ADCY7: variants seen among roughly 807,000 people sequenced by gnomAD.
ADCY7 encodes adenylate cyclase 7.
ADCY7 carries 72 observed loss-of-function variants against 120.6 expected under a neutral mutation model. The observed-to-expected ratio is 0.60, with a 90% CI of 0.49 to 0.73. ADCY7 has a LOEUF of 0.73. Ranked by LOEUF, ADCY7 falls within the 30% of genes least tolerant of loss-of-function variation. The pLI, the probability that ADCY7 is intolerant of heterozygous loss-of-function variation, is 0.00. For missense variants in ADCY7, 1,227 were observed against 1,486.0 expected, an observed-to-expected ratio of 0.83 and a Z score of 2.87; for synonymous variants, 661 against 628.0, an observed-to-expected ratio of 1.05 and a Z score of -0.78.
In ADCY7 at chr16:50,293,450, A is replaced by G. The variant is rs1471292576; in HGVS notation, c.784A>G (p.Met262Val). The G allele has an allele frequency of 6.2e-7, 1 of 1,614,050 alleles. No homozygotes were observed. Residue 262 changes from methionine (M) to valine (V), a missense_variant, in exon 6 of 26, where the codon ATG (methionine) becomes GTG (valine). Met to Val is a conservative substitution (Grantham distance 21). Transcript: ENST00000673801. ...RLKEHGDRRC[M>V]PDNNFHSLYV... Reference sequence around the variant, plus strand: ...CAAGGAGCATGGTGACCGTCGCTGCATGCCTGACAACAACTTCCACAGCCT... The same window carrying G: ...CAAGGAGCATGGTGACCGTCGCTGCGTGCCTGACAACAACTTCCACAGCCT...
chr16:50,273,831 C>T (rs972744878), intron 1 of ADCY7, among the ~76,000 whole-genome samples: 2 of 152,172 alleles, frequency 1.3e-5, no homozygotes, highest in African/African-American at 4.8e-5. Context: ...TTTGATGTCC[C>T]TGTGTACCAG....
intron 1 of ADCY7, among the ~76,000 whole-genome samples, chr16:50,253,683 G>A (rs1239156394): frequency 6.6e-6 from 1 of 152,202 alleles, no homozygotes; most frequent in Non-Finnish European, 1.5e-5. Flanking sequence ...TGTGGTCAGA[G>A]GATGAGACAG....
intron 11 of ADCY7, 57 bp from the exon 12 acceptor site, chr16:50,304,868 C>A: frequency 2.5e-6 from 4 of 1,606,888 alleles, no homozygotes; most frequent in Non-Finnish European, 3.4e-6. Flanking sequence ...CCAGCAGTGG[C>A]CTTCAGGGCC....
At chr16:50,294,532 G>A (rs1468387789) in intron 6 of ADCY7, 108 bp from the exon 7 acceptor site, 2 of 690,304 alleles carry the variant, frequency 2.9e-6, no homozygotes, top group Non-Finnish European at 4.9e-6. Flanking sequence ...GGGGTGAATG[G>A]GCTCAGGCCT....
chr16:50,312,388 G>A (rs547532950), intron 21 of ADCY7, among the ~76,000 whole-genome samples, 197 bp downstream of exon 21: 1 of 152,294 alleles, frequency 6.6e-6, no homozygotes, highest in Non-Finnish European at 1.5e-5. Context: ...GCTCAAGTGT[G>A]GTCGTGAACA....
In ADCY7 at chr16:50,290,528, G is replaced by A. The variant is rs548647501; in HGVS notation, c.243G>A (p.Val81=). The change falls in exon 3 of 26, where the codon GTG becomes GTA. Residue 81 remains valine, a synonymous_variant. Coordinates refer to ENST00000673801, the MANE Select transcript of ADCY7 (RefSeq NM_001114.5). ...LVLAVFAALS[V]LMYVECLLRR... is the part of the protein sequence containing the mutation. ...TGGCGGTGTTTGCGGCCCTCTCTGT[G>A]CTGATGTACGTCGAGTGTCTCCTGC... 4.3e-6 allele frequency: 7 copies of A among 1,614,236 alleles called. No homozygotes were observed. The highest frequency in any genetic ancestry group is 8.5e-7 in the Non-Finnish European group (1 of 1,180,052).
upstream of ADCY7, among the ~76,000 whole-genome samples, chr16:50,245,230 C>T (rs777307243): frequency 6.6e-6 from 1 of 152,184 alleles, no homozygotes; most frequent in African/African-American, 2.4e-5. Flanking sequence ...ACTCTCTGGC[C>T]CTTTCTATGA....
rs137903816 is a variant in ADCY7 at position 50,247,603 on chromosome 16, C to A, written c.-64+1400C>A. Among the ~76,000 whole-genome samples the A allele has an allele frequency of 8.7e-5, 12 of 138,448 alleles. No homozygotes were observed. In the East Asian group the frequency reaches 2.6e-3, roughly 30 times the overall value. 90.8% of individuals were successfully genotyped at this position (138,448 alleles called of 152,430 possible). On this transcript the variant is annotated intron_variant, in intron 1 of 4. Transcript: ENST00000564044. Reference sequence around the variant, plus strand: ...CTATGTTGTCCAGGCTAGTCTTGAACTCCCGGGCTCAAGTGATCCTCCTGC... The same window carrying A: ...CTATGTTGTCCAGGCTAGTCTTGAAATCCCGGGCTCAAGTGATCCTCCTGC...
intron 2 of ADCY7, among the ~76,000 whole-genome samples, chr16:50,288,794 C>T (rs1470353647): frequency 6.6e-6 from 1 of 152,098 alleles, no homozygotes; most frequent in Middle Eastern, 3.2e-3. Flanking sequence ...CTGTCTTTTA[C>T]AGCACATTTA....
chr16:50,263,949 G>A (rs1409031490), upstream of ADCY7, among the ~76,000 whole-genome samples: 2 of 152,064 alleles, frequency 1.3e-5, no homozygotes, highest in African/African-American at 2.4e-5. Context: ...TCCTGCATAC[G>A]CAAACGGGTA....
At chr16:50,311,570 C>G in intron 19 of ADCY7, 123 bp from the exon 20 acceptor site, 5 of 541,496 alleles carry the variant, frequency 9.2e-6, no homozygotes, top group East Asian at 7.8e-5. Context: ...GTCTTGTTTT[C>G]TACCCACCCC....
At position 50,281,961 on chromosome 16, in the gene ADCY7, C is replaced by T. The variant is rs148694728; in HGVS notation, c.-268-5951C>T. ...AGCCGAGAGCCGGCAGGACCGGGGG[C>T]GCGAGACGGAGCATGCAGGTTTTTT... On this transcript the variant is annotated intron_variant, in intron 1 of 25. Transcript: ENST00000673801. Among the ~76,000 whole-genome samples the T allele has an allele frequency of 1.6e-4, 25 of 152,328 alleles. No homozygotes were observed. In the East Asian group the frequency reaches 4.3e-3, roughly 26 times the overall value.
intron 1 of ADCY7, among the ~76,000 whole-genome samples, chr16:50,258,195 C>T (rs1245908371): frequency 6.6e-6 from 1 of 152,098 alleles, no homozygotes; most frequent in Non-Finnish European, 1.5e-5. Context: ...ATGACTGCGC[C>T]ACTGCACTCC....
chr16:50,277,871 C>T (rs894491384), intron 1 of ADCY7, among the ~76,000 whole-genome samples: 3 of 151,922 alleles, frequency 2.0e-5, no homozygotes, highest in Non-Finnish European at 4.4e-5. Context: ...GGGGTTTCAC[C>T]GTGTTAGCCA....
At chr16:50,296,838 A>G (rs2035385431) in intron 7 of ADCY7, among the ~76,000 whole-genome samples, 1 of 152,160 alleles carries the variant, frequency 6.6e-6, no homozygotes, top group African/African-American at 2.4e-5. Context: ...ACAGGATTGC[A>G]CTGGTCAGGG....
intron 1 of ADCY7, among the ~76,000 whole-genome samples, chr16:50,271,305 G>A (rs1160385475): frequency 1.3e-5 from 2 of 152,170 alleles, no homozygotes; most frequent in African/African-American, 4.8e-5. Context: ...ACAGTGGCCT[G>A]GTCATAGCTC....
chr16:50,298,083 G>A lies in ADCY7; in HGVS notation c.949-821G>A, dbSNP rs573789443. On this transcript the variant is annotated intron_variant, in intron 7 of 25. Transcript: ENST00000673801. ...CCTTTTCCTATGAGTCCCCACCCTC[G>A]CCGCTCTCCTACTCTGCCCTCCCCA... Among the ~76,000 whole-genome samples, 5 of 151,954 alleles carry A rather than the reference G, an allele frequency of 3.3e-5. No homozygotes were observed. The South Asian group carries it at 8.3e-4, about 25-fold the overall frequency.
intron 1 of ADCY7, among the ~76,000 whole-genome samples, chr16:50,279,910 T>A (rs2034143732): frequency 6.6e-6 from 1 of 152,152 alleles, no homozygotes; most frequent in Admixed American, 6.5e-5. Flanking sequence ...TTTCCTTTTT[T>A]TGTTGTGTCT....
chr16:50,293,858 G>A (rs1032781698), intron 6 of ADCY7, among the ~76,000 whole-genome samples: 3 of 152,182 alleles, frequency 2.0e-5, no homozygotes, highest in Non-Finnish European at 4.4e-5. Context: ...AAAGCCCCCC[G>A]GCCTTGGTGC....
Sources: allele counts gnomAD v4.1 joint callset (sites outside exome capture counted in the v4.1 genomes callset), GRCh38; gene constraint gnomAD v4.1.1; transcripts MANE v1.5; gene names NCBI Gene and HGNC (gene_info 2026-07-23, HGNC 2026-07-21).